The following SPP1 variants were observed in gnomAD, a reference collection of about 807,000 sequenced individuals.
SPP1 encodes the protein osteopontin.
Under a neutral mutation model 20.8 loss-of-function variants are expected in SPP1, and 18 were observed. That is an observed-to-expected ratio of 0.87 (90% CI 0.60 to 1.29). SPP1 has a LOEUF of 1.29. SPP1 is among the 50% of genes most tolerant of loss of function. The pLI is 0.00. For synonymous variants in SPP1, 146 were observed against 141.5 expected, an observed-to-expected ratio of 1.03 and a Z score of -0.23; for missense variants, 363 against 389.0, an observed-to-expected ratio of 0.93 and a Z score of 0.56.
intron 1 of SPP1, among the ~76,000 whole-genome samples, chr4:87,976,350 A>G (rs918338937): frequency 6.6e-6 from 1 of 152,194 alleles, no homozygotes; most frequent in Non-Finnish European, 1.5e-5. Flanking sequence ...TGAATTTCAA[A>G]TTTTTAGAAC....
intron 3 of SPP1, among the ~76,000 whole-genome samples, chr4:87,978,302 A>G (rs1030121830): frequency 1.3e-5 from 2 of 152,016 alleles, no homozygotes; most frequent in Non-Finnish European, 2.9e-5. Flanking sequence ...AGCCTGTATT[A>G]CATGTGTCAT....
Position 87,978,027 on chromosome 4 carries a change from A to C in SPP1, c.93+930A>C, listed in dbSNP as rs1423057310. 3.8e-5 allele frequency: 9 copies of C among 237,032 alleles called. No individual in the cohort carries two copies. In the East Asian group the frequency reaches 1.2e-3, roughly 32 times the overall value. The allele number at this position is 237,032 out of a possible 1,614,324, so 14.7% of individuals were successfully genotyped here. A position where few individuals can be genotyped will look rare whatever the true frequency, so the allele number is the denominator to read the frequency against. ...TTTTTAATAAACGAAAATATGGCAAAGATGCATTTTAGAAGGCACGTGGAG... is the reference window on the plus strand; with the variant it reads ...TTTTTAATAAACGAAAATATGGCAACGATGCATTTTAGAAGGCACGTGGAG... On this transcript the variant is annotated intron_variant, in intron 3 of 6. Transcript: ENST00000395080.
chr4:87,979,615 T>C (rs550264438), intron 3 of SPP1, among the ~76,000 whole-genome samples: 9 of 152,342 alleles, frequency 5.9e-5, no homozygotes, highest in African/African-American at 2.2e-4. Context: ...CTGGTTTAGA[T>C]GTGCTTTATC....
rs572676371 is a variant in SPP1 at position 87,979,127 on chromosome 4, G to A, written c.94-919G>A. 4.0e-5 allele frequency among the ~76,000 whole-genome samples: 6 copies of A among 151,624 alleles called. No individual in the cohort carries two copies. The East Asian group carries it at 7.8e-4, about 20-fold the overall frequency. On this transcript the variant is annotated intron_variant, in intron 3 of 6. Coordinates refer to ENST00000395080, the MANE Select transcript of SPP1 (RefSeq NM_001040058.2). Reference sequence around the variant, plus strand: ...ATGGCTATTGAGCACTCAAAATGTGGGCTAGTGCAACTGAGGAACTGAATT... The same window carrying A: ...ATGGCTATTGAGCACTCAAAATGTGAGCTAGTGCAACTGAGGAACTGAATT...
rs369060869 is a variant in SPP1 at position 87,976,921 on chromosome 4, G to C, written c.26G>C (p.Cys9Ser). MRIAVICF[C>S]LLGITCAIPV... is the part of the protein sequence containing the mutation. ...ATGAGAATTGCAGTGATTTGCTTTT[G>C]CCTCCTAGGCATCACCTGTGCCATA... is the stretch of plus-strand genomic sequence containing the variant. Residue 9 changes from cysteine (C) to serine (S), a missense_variant, in exon 2 of 7, where the codon TGC (cysteine) becomes TCC (serine). By Grantham distance (112) the Cys-to-Ser change is moderately radical (BLOSUM62 -1). Coordinates refer to ENST00000395080, the MANE Select transcript of SPP1 (RefSeq NM_001040058.2). 1.2e-5 allele frequency: 19 copies of C among 1,613,592 alleles called. No homozygotes were observed. The highest frequency in any genetic ancestry group is 1.5e-5 in the Non-Finnish European group (18 of 1,179,542).
In SPP1 at chr4:87,980,425, T is replaced by G. The variant is rs1262306827; in HGVS notation, c.207T>G (p.Phe69Leu). 1 of 1,614,170 alleles carries G rather than the reference T, an allele frequency of 6.2e-7. No individual in the cohort carries two copies. The highest frequency in any genetic ancestry group is 2.2e-5 in the East Asian group (1 of 44,890). The change falls in exon 5 of 7, where the codon TTT becomes TTG. Residue 69 changes from phenylalanine to leucine, a missense_variant. Phe to Leu is a conservative substitution (Grantham distance 22, BLOSUM62 0). Coordinates refer to ENST00000395080, the MANE Select transcript of SPP1 (RefSeq NM_001040058.2). The part of the protein sequence containing the change: ...NAVSSEETND[F>L]KQETLPSKSN... ...TGTCCTCTGAAGAAACCAATGACTT[T>G]AAACAAGAGGTAAGTTCTCATTTTC...
intron 1 of SPP1, among the ~76,000 whole-genome samples, 178 bp downstream of exon 1, chr4:87,975,978 T>G (rs1290029044): frequency 6.6e-6 from 1 of 152,220 alleles, no homozygotes; most frequent in Non-Finnish European, 1.5e-5. Context: ...TCTAGATATT[T>G]TGAATGCCAA....
intron 3 of SPP1, among the ~76,000 whole-genome samples, chr4:87,978,247 A>G (rs1200808572): frequency 6.6e-6 from 1 of 152,108 alleles, no homozygotes; most frequent in African/African-American, 2.4e-5. Flanking sequence ...TCTTCATATT[A>G]GTTTTTAAAA....
In SPP1 at chr4:87,981,562, T is replaced by A. The variant is rs368525297; in HGVS notation, c.304T>A (p.Ser102Thr). The change falls in exon 6 of 7, where the codon TCC becomes ACC. Residue 102 changes from serine (S) to threonine (T), a missense_variant. Transcript: ENST00000395080. Reference sequence around the variant, plus strand: ...TGATGACCATGTGGACAGCCAGGACTCCATTGACTCGAACGACTCTGATGA... The same window carrying A: ...TGATGACCATGTGGACAGCCAGGACACCATTGACTCGAACGACTCTGATGA... ...DDDDHVDSQD[S>T]IDSNDSDDVD... is the part of the protein sequence containing the mutation. 2.5e-6 allele frequency: 4 copies of A among 1,613,962 alleles called. No homozygotes were observed. The African/African-American group carries it at 5.3e-5, about 22-fold the overall frequency.
chr4:87,977,957 C>G, intron 3 of SPP1: 1 of 726,260 alleles, frequency 1.4e-6, no homozygotes. Context: ...ATTAACATCT[C>G]CAGAGAAGAT....
At chr4:87,979,983 G>T (rs1725577997) in intron 3 of SPP1, 63 bp from the exon 4 acceptor site, 1 of 1,516,586 alleles carries the variant, frequency 6.6e-7, no homozygotes, top group East Asian at 2.3e-5. Flanking sequence ...AAGAATGGTT[G>T]TTTTTTCCAT....
chr4:87,983,062 G>A lies in SPP1; in HGVS notation c.*166G>A, dbSNP rs1725728988. ...GTGTTTGATAATTAGTTTAGTTTGT[G>A]GCTTCATGGAAACTCCCTGTAAACT... On this transcript the variant is annotated 3_prime_UTR_variant, in exon 7 of 7. Coordinates refer to ENST00000395080, the MANE Select transcript of SPP1 (RefSeq NM_001040058.2). 1 of 739,308 alleles carries A rather than the reference G, an allele frequency of 1.4e-6. No homozygotes were observed. Among genetic ancestry groups the A allele is most frequent in the East Asian group, 2.8e-5 (1 of 35,166 alleles). The allele number at this position is 739,308 out of a possible 1,614,324, so 45.8% of individuals were successfully genotyped here.
intron 3 of SPP1, 46 bp from the exon 4 acceptor site, chr4:87,980,000 C>G (rs1161073016): frequency 6.3e-7 from 1 of 1,585,864 alleles, no homozygotes; most frequent in Non-Finnish European, 8.6e-7. Context: ...CCATTCATCC[C>G]TACATTTCTT....
intron 1 of SPP1, 55 bp from the exon 2 acceptor site, chr4:87,976,827 T>C: frequency 8.2e-7 from 1 of 1,213,576 alleles, no homozygotes. Context: ...TATAAAAAGG[T>C]ATCACTGTTG....
chr4:87,979,484 A>G (rs1306278925), intron 3 of SPP1, among the ~76,000 whole-genome samples: 1 of 151,960 alleles, frequency 6.6e-6, no homozygotes, highest in Non-Finnish European at 1.5e-5. Flanking sequence ...TTTCATTTTA[A>G]TTAACTTAAA....
intron 1 of SPP1, among the ~76,000 whole-genome samples, chr4:87,976,136 G>C (rs1725368801): frequency 6.6e-6 from 1 of 151,586 alleles, no homozygotes; most frequent in Non-Finnish European, 1.5e-5. Flanking sequence ...GAATTTAAAA[G>C]AAAAGGGATC....
In SPP1 at chr4:87,976,939, G is replaced by A; in HGVS notation, c.44G>A (p.Cys15Tyr). Reference sequence around the variant, plus strand: ...TGCTTTTGCCTCCTAGGCATCACCTGTGCCATACCAGTGAGTACAGTTGCA... The same window carrying A: ...TGCTTTTGCCTCCTAGGCATCACCTATGCCATACCAGTGAGTACAGTTGCA... The part of the protein sequence containing the change: ...VICFCLLGIT[C>Y]AIPVKQADSG... Residue 15 changes from cysteine to tyrosine, a missense_variant, in exon 2 of 7, where the codon TGT (cysteine) becomes TAT (tyrosine). Physicochemically the swap from Cys to Tyr is radical, Grantham distance 194. Transcript: ENST00000395080. The A allele has an allele frequency of 6.2e-7, 1 of 1,613,734 alleles. No homozygotes were observed. The highest frequency in any genetic ancestry group is 8.5e-7 in the Non-Finnish European group (1 of 1,179,668).
chr4:87,978,700 A>T (rs1429486599), intron 3 of SPP1, among the ~76,000 whole-genome samples: 1 of 151,982 alleles, frequency 6.6e-6, no homozygotes, highest in African/African-American at 2.4e-5. Context: ...ATCTTCTTAA[A>T]GCAAGGAACC....
At chr4:87,977,013 T>C in intron 2 of SPP1, 46 bp from the exon 3 acceptor site, 1 of 1,613,244 alleles carries the variant, frequency 6.2e-7, no homozygotes, top group Non-Finnish European at 8.5e-7. Flanking sequence ...TTCCATGTGC[T>C]AGGAGGACAT....
Sources: gnomAD v4.1 joint callset for allele counts (sites outside exome capture counted in the v4.1 genomes callset) on GRCh38, gnomAD v4.1.1 for gene constraint, MANE v1.5 for transcripts, NCBI Gene and HGNC (gene_info 2026-07-23, HGNC 2026-07-21) for gene names.